CD101: variants seen among roughly 807,000 people sequenced by gnomAD.
CD101 encodes CD101 molecule, also known as immunoglobulin superfamily member 2.
CD101 carries 76 observed loss-of-function variants against 98.2 expected under a neutral mutation model. The ratio of observed to expected loss-of-function variants is 0.77; its 90% CI spans 0.64 to 0.94. The LOEUF (loss-of-function observed/expected upper bound fraction) is 0.94, where lower values mean the gene tolerates loss of function less well. Among genes scored for constraint, CD101 ranks in the 40% least tolerant of loss-of-function variants. The probability of loss-of-function intolerance (pLI) is 0.00; values close to 1 mark genes in which losing one functional copy is unlikely to be tolerated. For missense variants in CD101, 1,145 were observed against 1,218.8 expected (o/e 0.94, Z 0.90); for synonymous variants, 471 against 472.7 (o/e 1.00, Z 0.05).
intron 8 of CD101, among the ~76,000 whole-genome samples, chr1:117,029,199 GA>G (rs1168388828): frequency 0.17 from 6,889 of 40,202 alleles, 1,171 homozygotes; most frequent in African/African-American, 0.24. Context: ...AAGAAAGAAA[GA>G]AAGAAAAGAA....
chr1:117,028,655 G>GA (rs1654119564), intron 8 of CD101, among the ~76,000 whole-genome samples: 1 of 152,172 alleles, frequency 6.6e-6, no homozygotes, highest in Non-Finnish European at 1.5e-5. Context: ...TGGAGAGCTG[G>GA]GAAGGGAATC....
chr1:117,010,541 C>T lies in CD101; in HGVS notation c.424+311C>T, dbSNP rs1241041212. 6.6e-6 allele frequency among the ~76,000 whole-genome samples: 1 copy of T among 152,224 alleles called. No homozygotes were observed. Among genetic ancestry groups the T allele is most frequent in the Non-Finnish European group, 1.5e-5 (1 of 68,040 alleles). On this transcript the variant is annotated intron_variant, in intron 2 of 9. Coordinates refer to ENST00000682167, the MANE Select transcript of CD101 (RefSeq NM_001256106.3). This position sits in a 1 kb window ranked among gnomAD's most constrained non-coding sequence, Gnocchi z 5.2. ...TTCAACAAAGCTGTGAGAGTTCTCC[C>T]TGTGTTGTCTCTGCTTGCAGGCAGA... is the stretch of plus-strand genomic sequence containing the variant.
intron 4 of CD101, among the ~76,000 whole-genome samples, chr1:117,014,003 A>G (rs1653054023): frequency 6.6e-6 from 1 of 152,202 alleles, no homozygotes; most frequent in Non-Finnish European, 1.5e-5. Context: ...GTCTGTGACC[A>G]TGAACACACC....
In CD101 at chr1:117,018,492, TA is replaced by T. The variant is rs748122478; in HGVS notation, c.1950del (p.Tyr651ThrfsTer15). 2 of 1,614,014 alleles carry T rather than the reference TA, an allele frequency of 1.2e-6. No individual in the cohort carries two copies. The highest frequency in any genetic ancestry group is 3.3e-5 in the Admixed American group (2 of 60,026). ...GTAGAAGTTTATGACAGAAATTCCC[TA>T]TACAACAACCGCCCCCCGAGGGCTT... ...CEVEVYDRNS[L>X]YNNRPPRASA... On this transcript the variant is annotated frameshift_variant, in exon 6 of 10. Transcript: ENST00000682167. LOFTEE classifies it high-confidence loss of function. The surrounding 1 kb of genome is among the most constrained non-coding windows in gnomAD (Gnocchi z 4.3).
At chr1:117,016,884 A>C (rs1052998175) in intron 4 of CD101, among the ~76,000 whole-genome samples, 1 of 152,178 alleles carries the variant, frequency 6.6e-6, no homozygotes, top group African/African-American at 2.4e-5. Context: ...TTAAGGGTGA[A>C]TACATCCTCC....
In CD101 at chr1:117,013,576, A is replaced by T; in HGVS notation, c.1012A>T (p.Lys338Ter). 1 of 1,614,204 alleles carries T rather than the reference A, an allele frequency of 6.2e-7. No homozygotes were observed. Among genetic ancestry groups the T allele is most frequent in the Non-Finnish European group, 8.5e-7 (1 of 1,180,024 alleles). The change falls in exon 4 of 10, where the codon AAG (lysine) becomes TAG (stop). Residue 338 changes from lysine to a stop codon, truncating the protein, a stop_gained. Coordinates refer to ENST00000682167, the MANE Select transcript of CD101 (RefSeq NM_001256106.3). LOFTEE classifies it high-confidence loss of function. ...TGATGCTGGTGGAGTCCTGGGCCTG[A>T]AGAATGACTACAAAGAGAGAGCAAG... is the stretch of plus-strand genomic sequence containing the variant. ...HIDAGGVLGL[K>*]NDYKERASQG...
At position 117,012,722 on chromosome 1, in the gene CD101, A is replaced by G. The variant is rs1057132392; in HGVS notation, c.842-684A>G. On this transcript the variant is annotated intron_variant, in intron 3 of 9. Coordinates refer to ENST00000682167, the MANE Select transcript of CD101 (RefSeq NM_001256106.3). The surrounding 1 kb of genome is among the most constrained non-coding windows in gnomAD (Gnocchi z 4.0). ...CGCACCCAGCCTGCTGTTACTTTTCATAATCTTTTGGCATTTTTGTCAAAG... is the reference window on the plus strand; with the variant it reads ...CGCACCCAGCCTGCTGTTACTTTTCGTAATCTTTTGGCATTTTTGTCAAAG... Among the ~76,000 whole-genome samples the G allele has an allele frequency of 7.2e-5, 11 of 152,098 alleles. No homozygotes were observed. The highest frequency in any genetic ancestry group is 1.2e-4 in the Non-Finnish European group (8 of 68,016).
Position 117,023,825 on chromosome 1 carries a change from C to G in CD101, c.2429-1684C>G, listed in dbSNP as rs1653725196. Among the ~76,000 whole-genome samples the G allele has an allele frequency of 6.6e-6, 1 of 152,042 alleles. No individual in the cohort carries two copies. The highest frequency in any genetic ancestry group is 6.6e-5 in the Admixed American group (1 of 15,264). On this transcript the variant is annotated intron_variant, in intron 7 of 9. Transcript: ENST00000682167. The surrounding 1 kb of genome is among the most constrained non-coding windows in gnomAD (Gnocchi z 4.4). ...TTTAGGGAACAAGTTAACCAAGAGGCCCCAGAAAGATGCTGAGAATGACTG... is the reference window on the plus strand; with the variant it reads ...TTTAGGGAACAAGTTAACCAAGAGGGCCCAGAAAGATGCTGAGAATGACTG...
chr1:117,021,747 A>G lies in CD101; in HGVS notation c.2192A>G (p.Asp731Gly), dbSNP rs1461554425. Reference protein sequence around the residue: ...NASWLKILEMDQTNVIKTGDE... With the variant: ...NASWLKILEMGQTNVIKTGDE... ...TCTTGGCTAAAGATCCTGGAGATGG[A>G]CCAAACCAATGTTATAAAAACTGGG... The change falls in exon 7 of 10, where the codon GAC (aspartate) becomes GGC (glycine). Residue 731 changes from aspartate (D) to glycine (G), a missense_variant. Coordinates refer to ENST00000682167, the MANE Select transcript of CD101 (RefSeq NM_001256106.3). This position sits in a 1 kb window ranked among gnomAD's most constrained non-coding sequence, Gnocchi z 4.7. 6.2e-7 allele frequency: 1 copy of G among 1,614,142 alleles called. No individual in the cohort carries two copies. The highest frequency in any genetic ancestry group is 8.5e-7 in the Non-Finnish European group (1 of 1,180,010).
chr1:117,004,729 A>T lies in CD101; in HGVS notation c.43+2869A>T, dbSNP rs1412026952. 6.6e-6 allele frequency among the ~76,000 whole-genome samples: 1 copy of T among 152,172 alleles called. No homozygotes were observed. Among genetic ancestry groups the T allele is most frequent in the East Asian group, 1.9e-4 (1 of 5,196 alleles). The stretch of plus-strand genomic sequence containing the variant: ...AAGCTTATGGCCCCAGTGCATAGCC[A>T]TTTGAGTTGATCTCTGCCAGTCATG... On this transcript the variant is annotated intron_variant, in intron 1 of 9. Transcript: ENST00000682167. The surrounding 1 kb of genome is among the most constrained non-coding windows in gnomAD (Gnocchi z 4.1).
intron 1 of CD101, among the ~76,000 whole-genome samples, chr1:117,003,265 G>A (rs895365978): frequency 6.6e-6 from 1 of 152,228 alleles, no homozygotes; most frequent in Non-Finnish European, 1.5e-5. Flanking sequence ...CCAGGACTAT[G>A]GCTGAAGAAT....
chr1:117,030,417 GAGAA>G (rs1654376218), intron 8 of CD101, among the ~76,000 whole-genome samples: 1 of 146,790 alleles, frequency 6.8e-6, no homozygotes, highest in Non-Finnish European at 1.5e-5. Flanking sequence ...GAGAGAGAGA[GAGAA>G]AGAGACAGAG....
In CD101 at chr1:117,021,050, TC is replaced by T. The variant is rs1653553594; in HGVS notation, c.2018-521del. ...CAGTTTTAATCACTCATGTACAACT[TC>T]CTTTTGTTTACCCACGTTTGAAGGC... On this transcript the variant is annotated intron_variant, in intron 6 of 9. Coordinates refer to ENST00000682167, the MANE Select transcript of CD101 (RefSeq NM_001256106.3). This position sits in a 1 kb window ranked among gnomAD's most constrained non-coding sequence, Gnocchi z 4.7. 6.6e-6 allele frequency among the ~76,000 whole-genome samples: 1 copy of T among 152,218 alleles called. No individual in the cohort carries two copies. The highest frequency in any genetic ancestry group is 2.1e-4 in the South Asian group (1 of 4,830).
In CD101 at chr1:117,021,281, C is replaced by T. The variant is rs906202727; in HGVS notation, c.2018-292C>T. On this transcript the variant is annotated intron_variant, in intron 6 of 9. Transcript: ENST00000682167. This position sits in a 1 kb window ranked among gnomAD's most constrained non-coding sequence, Gnocchi z 4.7. ...TGACACTCCCTCTGCCACACCACCC[C>T]TACCAAGCACAGGTAGCACTAGGAC... Among the ~76,000 whole-genome samples, 9 of 152,212 alleles carry T rather than the reference C, an allele frequency of 5.9e-5. No individual in the cohort carries two copies. The highest frequency in any genetic ancestry group is 1.2e-4 in the African/African-American group (5 of 41,454).
chr1:117,027,300 A>G (rs1315492918), intron 8 of CD101, among the ~76,000 whole-genome samples: 1 of 152,218 alleles, frequency 6.6e-6, no homozygotes. Flanking sequence ...CTGAGGCCAC[A>G]AAAGTGTACA....
intron 9 of CD101, among the ~76,000 whole-genome samples, chr1:117,035,962 A>G (rs147621538): frequency 1.5e-3 from 230 of 151,924 alleles, no homozygotes; most frequent in Non-Finnish European, 2.9e-3. Context: ...TCTTGGATGG[A>G]CTCTGCTGCA....
chr1:117,025,378 TA>T (rs200316636), intron 7 of CD101, 130 bp from the exon 8 acceptor site: 22 of 738,854 alleles, frequency 3.0e-5, no homozygotes, highest in South Asian at 8.5e-5. Context: ...ATAAAAATAA[TA>T]AAAAAAATAA....
intron 1 of CD101, among the ~76,000 whole-genome samples, chr1:117,007,697 A>G (rs1652620397): frequency 1.3e-5 from 2 of 152,356 alleles, no homozygotes; most frequent in Non-Finnish European, 2.9e-5. Flanking sequence ...GTGCATCACT[A>G]AATAATACAG....
chr1:117,025,828 C>T lies in CD101; in HGVS notation c.2748C>T (p.Leu916=). The T allele has an allele frequency of 6.2e-7, 1 of 1,614,082 alleles. No individual in the cohort carries two copies. The highest frequency in any genetic ancestry group is 8.5e-7 in the Non-Finnish European group (1 of 1,180,016). The change falls in exon 8 of 10, where the codon CTC becomes CTT. Residue 916 remains leucine, a synonymous_variant. Coordinates refer to ENST00000682167, the MANE Select transcript of CD101 (RefSeq NM_001256106.3). ...GGTGTAGGGTGGCAGAGTGGCAGCT[C>T]CATGGACACCCAAGCAAGTGGATTA... ...MYWCRVAEWQ[L]HGHPSKWINQ... is the part of the protein sequence containing the mutation.
Sources: gnomAD v4.1 joint callset for allele counts (sites outside exome capture counted in the v4.1 genomes callset) on GRCh38, gnomAD v4.1.1 for gene constraint, Gnocchi (gnomAD v3.1) non-coding constraint, MANE v1.5 for transcripts, NCBI Gene and HGNC (gene_info 2026-07-23, HGNC 2026-07-21) for gene names.